Variants in FREM1 observed in about 807,000 individuals in gnomAD.
The protein encoded by FREM1 is FRAS1-related extracellular matrix protein 1.
A neutral mutation model predicts 210.1 loss-of-function variants in FREM1; 220 were observed. That is an observed-to-expected ratio of 1.05 (90% CI 0.94 to 1.17). The LOEUF (loss-of-function observed/expected upper bound fraction) is 1.17, where lower values mean the gene tolerates loss of function less well. Among genes scored for constraint, FREM1 ranks in the 50% most tolerant of loss-of-function variants. FREM1 has a pLI of 0.00. For synonymous variants in FREM1, 1,189 were observed against 980.2 expected, an observed-to-expected ratio of 1.21 and a Z score of -3.98; for missense variants, 3,454 against 2,675.5, an observed-to-expected ratio of 1.29 and a Z score of -6.42.
At chr9:14,878,911 T>G (rs1161767622) in intron 1 of FREM1, among the ~76,000 whole-genome samples, 1 of 151,932 alleles carries the variant, frequency 6.6e-6, no homozygotes, top group Non-Finnish European at 1.5e-5. Flanking sequence ...ATTCCAGTAC[T>G]TGGGGAGGCC....
At chr9:14,783,907 A>G (rs549078042) in intron 24 of FREM1, among the ~76,000 whole-genome samples, 8 of 152,326 alleles carry the variant, frequency 5.3e-5, no homozygotes, top group Admixed American at 2.6e-4. Context: ...TTTATGCCAA[A>G]TGTTTACTAA....
chr9:14,760,915 A>G (rs1845383535), intron 27 of FREM1, among the ~76,000 whole-genome samples: 1 of 152,026 alleles, frequency 6.6e-6, no homozygotes, highest in South Asian at 2.1e-4. Flanking sequence ...AGCAACCTTC[A>G]CTACGATTGT....
At chr9:14,824,138 A>G in intron 11 of FREM1, 23 bp from the exon 12 acceptor site, 1 of 1,428,892 alleles carries the variant, frequency 7.0e-7, no homozygotes, top group Non-Finnish European at 9.7e-7. Context: ...ACAGAGGAGC[A>G]CATCAGCTCA....
intron 10 of FREM1, among the ~76,000 whole-genome samples, chr9:14,830,770 G>A (rs1473351577): frequency 6.6e-6 from 1 of 152,134 alleles, no homozygotes. Context: ...CCGGCATGAG[G>A]GCCAAGACCC....
intron 5 of FREM1, among the ~76,000 whole-genome samples, chr9:14,851,855 T>A (rs998110584): frequency 2.0e-5 from 3 of 152,194 alleles, no homozygotes; most frequent in South Asian, 4.1e-4. Flanking sequence ...AGCTCCCTGG[T>A]GACTCTTACA....
chr9:14,809,163 C>A (rs751634829), intron 16 of FREM1, among the ~76,000 whole-genome samples: 1 of 152,188 alleles, frequency 6.6e-6, no homozygotes, highest in Non-Finnish European at 1.5e-5. Flanking sequence ...AGTTTCCCTG[C>A]ACAAGCTCTC....
chr9:14,801,471 G>A (rs572498194), intron 20 of FREM1, among the ~76,000 whole-genome samples, 181 bp downstream of exon 20: 7 of 152,118 alleles, frequency 4.6e-5, no homozygotes, highest in Non-Finnish European at 1.0e-4. Flanking sequence ...TACTTCTCCT[G>A]TCTAACCGAA....
At chr9:14,767,956 C>A (rs1014092677) in intron 27 of FREM1, among the ~76,000 whole-genome samples, 1 of 151,862 alleles carries the variant, frequency 6.6e-6, no homozygotes, top group Non-Finnish European at 1.5e-5. Context: ...AGTTAATAGC[C>A]AACAAAAGCA....
At chr9:14,856,311 G>A (rs1459370842) in intron 5 of FREM1, among the ~76,000 whole-genome samples, 1 of 152,104 alleles carries the variant, frequency 6.6e-6, no homozygotes, top group Non-Finnish European at 1.5e-5. Context: ...CTATTATTTG[G>A]ACTCAGAAAT....
chr9:14,822,180 C>A (rs1044289493), intron 13 of FREM1, among the ~76,000 whole-genome samples: 1 of 152,116 alleles, frequency 6.6e-6, no homozygotes, highest in South Asian at 2.1e-4. Flanking sequence ...TCCCTAGCCA[C>A]GTGAAACTGT....
chr9:14,860,845 A>G lies in FREM1; in HGVS notation c.330-1361T>C, dbSNP rs149287870. On this transcript the variant is annotated intron_variant, in intron 3 of 36. Coordinates refer to ENST00000380880, the MANE Select transcript of FREM1 (RefSeq NM_001379081.2). Reference sequence around the variant, plus strand: ...TATATACATATATACGTATATATACATATATACGTATATATACACATATAT... The same window carrying G: ...TATATACATATATACGTATATATACGTATATACGTATATATACACATATAT... Among the ~76,000 whole-genome samples, 108 of 84,838 alleles carry G rather than the reference A, an allele frequency of 1.3e-3. 1 individual carries two copies. The highest frequency in any genetic ancestry group is 5.2e-3 in the African/African-American group (82 of 15,780). The allele number at this position is 84,838 out of a possible 152,430, so 55.7% of individuals were successfully genotyped here.
chr9:14,748,088 C>G (rs764221711), intron 31 of FREM1, among the ~76,000 whole-genome samples: 3 of 152,158 alleles, frequency 2.0e-5, no homozygotes, highest in Non-Finnish European at 4.4e-5. Flanking sequence ...CTTCCACACC[C>G]AATCGCATCA....
intron 29 of FREM1, 130 bp downstream of exon 29, chr9:14,756,244 A>G: frequency 3.0e-6 from 2 of 669,762 alleles, no homozygotes; most frequent in East Asian, 2.9e-5. Flanking sequence ...GTGAGGTGGT[A>G]TGGCTCCCTG....
intron 10 of FREM1, among the ~76,000 whole-genome samples, chr9:14,826,691 T>A (rs999235039): frequency 6.6e-6 from 1 of 152,164 alleles, no homozygotes; most frequent in Non-Finnish European, 1.5e-5. Context: ...CCATTAGTAG[T>A]GATTGGACCA....
At chr9:14,805,222 A>C (rs908597343) in intron 18 of FREM1, 70 bp from the exon 19 acceptor site, 20 of 820,608 alleles carry the variant, frequency 2.4e-5, no homozygotes, top group Middle Eastern at 2.4e-4. Flanking sequence ...CTTAATCCTT[A>C]ACCCAATAAT....
Position 14,792,943 on chromosome 9 carries a change from GA to G in FREM1, c.3840-60del, listed in dbSNP as rs200095379. ...AATAGAAGATATTCCTTTAGTAGGG[GA>G]CACTTATATTGACTATCACAGTTCC... is the stretch of plus-strand genomic sequence containing the variant. On this transcript the variant is annotated intron_variant, in intron 21 of 36. Coordinates refer to ENST00000380880, the MANE Select transcript of FREM1 (RefSeq NM_001379081.2). 2,185 of 1,124,886 alleles carry G rather than the reference GA, an allele frequency of 1.9e-3. 27 individuals are homozygous for G. The African/African-American group carries it at 0.029, about 15-fold the overall frequency. The allele number at this position is 1,124,886 out of a possible 1,614,324, so 69.7% of individuals were successfully genotyped here.
intron 1 of FREM1, among the ~76,000 whole-genome samples, chr9:14,878,227 C>T (rs568982444): frequency 1.3e-5 from 2 of 152,138 alleles, no homozygotes; most frequent in East Asian, 3.9e-4. Context: ...TCCCTCTTCT[C>T]TCTCTCAGCT....
chr9:14,772,144 A>G (rs1386949295), intron 25 of FREM1, among the ~76,000 whole-genome samples: 1 of 152,148 alleles, frequency 6.6e-6, no homozygotes, highest in East Asian at 1.9e-4. Context: ...ATGATGATAA[A>G]TATGTGAAGA....
intron 35 of FREM1, among the ~76,000 whole-genome samples, chr9:14,741,382 C>T (rs1180559371): frequency 6.6e-6 from 1 of 152,148 alleles, no homozygotes; most frequent in Non-Finnish European, 1.5e-5. Context: ...TATTTTGCTG[C>T]TGTCTGATGC....
Sources: allele counts gnomAD v4.1 joint callset (sites outside exome capture counted in the v4.1 genomes callset), GRCh38; gene constraint gnomAD v4.1.1; transcripts MANE v1.5; gene names NCBI Gene and HGNC (gene_info 2026-07-23, HGNC 2026-07-21).